CALN1: variants seen among roughly 807,000 people sequenced by gnomAD.
CALN1 encodes calcium-binding protein 8.
In CALN1, 17 loss-of-function variants were observed where a neutral mutation model predicts 30.6. The observed-to-expected ratio is 0.56, with a 90% CI of 0.38 to 0.83. CALN1 has a LOEUF of 0.83. Ranked by LOEUF, CALN1 falls within the 40% of genes least tolerant of loss-of-function variation. The pLI is 0.00. For synonymous variants in CALN1, 156 were observed against 131.4 expected (o/e 1.19, Z -1.28); for missense variants, 291 against 354.9 (o/e 0.82, Z 1.45).
chr7:72,377,571 G>A (rs1804645796), intron 2 of CALN1, among the ~76,000 whole-genome samples: 1 of 152,008 alleles, frequency 6.6e-6, no homozygotes, highest in Admixed American at 6.6e-5. Flanking sequence ...TTAGGGGTTT[G>A]TTGTTGATGC....
At chr7:71,997,357 G>A (rs1325065284) in intron 5 of CALN1, among the ~76,000 whole-genome samples, 3 of 152,150 alleles carry the variant, frequency 2.0e-5, no homozygotes, top group Middle Eastern at 3.2e-3. Flanking sequence ...ATCAGTGATT[G>A]TGAGGACAGA....
rs143425266 is a variant in CALN1, at chr7:72,159,159, T to C, written c.245-52865A>G. 3.1e-3 allele frequency among the ~76,000 whole-genome samples: 478 copies of C among 152,248 alleles called. 2 individuals carry two copies. Among genetic ancestry groups the C allele is most frequent in the Non-Finnish European group, 5.5e-3 (376 of 68,026 alleles). On this transcript the variant is annotated intron_variant, in intron 3 of 6. Coordinates refer to ENST00000395275, the MANE Select transcript of CALN1 (RefSeq NM_031468.4). ...GAGCCACTGAGCCTGGCTGTTATTA[T>C]GTGAGATTTTTAAAGAAACAAACAA...
chr7:72,248,071 T>C (rs1795312166), intron 3 of CALN1, among the ~76,000 whole-genome samples: 1 of 152,210 alleles, frequency 6.6e-6, no homozygotes, highest in African/African-American at 2.4e-5. Context: ...GTCAAGATAT[T>C]GGGAGGGCTG....
intron 1 of CALN1, among the ~76,000 whole-genome samples, chr7:72,408,286 A>T (rs1018406537): frequency 8.8e-5 from 13 of 147,682 alleles, no homozygotes; most frequent in African/African-American, 3.2e-4. Context: ...AAAAAAAAAA[A>T]AAAAATTAGT....
At position 72,114,242 on chromosome 7, in the gene CALN1, T is replaced by TG. The variant is rs201169966; in HGVS notation, c.245-7949_245-7948insC. On this transcript the variant is annotated intron_variant, in intron 3 of 6. Transcript: ENST00000395275. ...AGTAAAGTAAAAGTAAAAATAAAAG[T>TG]TGAAGGGAAGGGAAGGGAAGGGAAG... Among the ~76,000 whole-genome samples the TG allele has an allele frequency of 5.3e-4, 27 of 51,362 alleles. 5 individuals are homozygous for TG. The East Asian group carries it at 0.022, about 43-fold the overall frequency. 33.7% of individuals were successfully genotyped at this position (51,362 alleles called of 152,430 possible).
In CALN1 at chr7:72,136,136, AAAAT is replaced by A. The variant is rs138109942; in HGVS notation, c.245-29846_245-29843del. ...GGCAACAGAAAAAGACTCTGTCTCA[AAAAT>A]AAATAAATAAATAAATAAATAAATA... is the stretch of plus-strand genomic sequence containing the variant. On this transcript the variant is annotated intron_variant, in intron 3 of 6. Transcript: ENST00000395275. 2.0e-4 allele frequency among the ~76,000 whole-genome samples: 28 copies of A among 140,856 alleles called. 1 individual carries two copies. In the East Asian group the frequency reaches 2.3e-3, roughly 12 times the overall value. 92.4% of individuals were successfully genotyped at this position (140,856 alleles called of 152,430 possible).
intron 2 of CALN1, among the ~76,000 whole-genome samples, chr7:72,283,963 G>C (rs1003896799): frequency 6.6e-6 from 1 of 152,078 alleles, no homozygotes; most frequent in Non-Finnish European, 1.5e-5. Flanking sequence ...CCTGTTAATG[G>C]GGTCAAGGAA....
chr7:72,189,374 A>G (rs977515379), intron 3 of CALN1, among the ~76,000 whole-genome samples: 1 of 152,218 alleles, frequency 6.6e-6, no homozygotes, highest in Non-Finnish European at 1.5e-5. Flanking sequence ...CTCAAGCAAC[A>G]AAACATTTGG....
chr7:71,972,414 T>C (rs1797893484), intron 5 of CALN1, among the ~76,000 whole-genome samples: 4 of 152,172 alleles, frequency 2.6e-5, no homozygotes. Flanking sequence ...TCTGATCCAT[T>C]TTTTGTTTTA....
chr7:71,883,697 G>GC (rs1450396550), intron 5 of CALN1, among the ~76,000 whole-genome samples: 1 of 151,912 alleles, frequency 6.6e-6, no homozygotes, highest in African/African-American at 2.4e-5. Flanking sequence ...TGTAAATCCC[G>GC]CCCTTAGGTC....
intron 5 of CALN1, among the ~76,000 whole-genome samples, chr7:71,858,464 C>A (rs1338880732): frequency 6.6e-6 from 1 of 151,890 alleles, no homozygotes; most frequent in African/African-American, 2.4e-5. Flanking sequence ...AAACCTGCCT[C>A]CCATTCTGTT....
At chr7:72,093,388 C>A (rs1025588633) in intron 4 of CALN1, among the ~76,000 whole-genome samples, 1 of 152,106 alleles carries the variant, frequency 6.6e-6, no homozygotes, top group Non-Finnish European at 1.5e-5. Flanking sequence ...ACCGTACACT[C>A]GTACCAGGGA....
chr7:72,282,718 G>C (rs553395849), intron 2 of CALN1, among the ~76,000 whole-genome samples: 1 of 152,144 alleles, frequency 6.6e-6, no homozygotes, highest in African/African-American at 2.4e-5. Flanking sequence ...GCTAGTCTAA[G>C]GTATTTGTTA....
At chr7:72,308,738 C>A (rs899022425) in intron 2 of CALN1, among the ~76,000 whole-genome samples, 3 of 151,874 alleles carry the variant, frequency 2.0e-5, no homozygotes, top group African/African-American at 7.3e-5. Flanking sequence ...TGGGACCCTC[C>A]TCTTAGTTCC....
At chr7:72,008,044 A>G (rs1252397229) in intron 5 of CALN1, among the ~76,000 whole-genome samples, 2 of 152,246 alleles carry the variant, frequency 1.3e-5, no homozygotes, top group Non-Finnish European at 2.9e-5. Context: ...GAGGACATTC[A>G]TGATTTTAAT....
chr7:72,229,531 C>T (rs1037939141), intron 3 of CALN1, among the ~76,000 whole-genome samples: 1 of 152,034 alleles, frequency 6.6e-6, no homozygotes, highest in Non-Finnish European at 1.5e-5. Flanking sequence ...TGGAACCAAT[C>T]CAAATGCCCA....
chr7:72,300,977 G>A (rs1198685922), intron 2 of CALN1, among the ~76,000 whole-genome samples: 2 of 152,180 alleles, frequency 1.3e-5, no homozygotes, highest in African/African-American at 4.8e-5. Context: ...CTGGGTGACA[G>A]AGTGAGACTC....
At chr7:72,351,879 A>G (rs968106783) in intron 2 of CALN1, among the ~76,000 whole-genome samples, 1 of 152,222 alleles carries the variant, frequency 6.6e-6, no homozygotes, top group African/African-American at 2.4e-5. Context: ...AAATTTGGCC[A>G]TATTAAATTT....
At chr7:71,790,077 C>T (rs1017558948) in intron 6 of CALN1, among the ~76,000 whole-genome samples, 2 of 150,108 alleles carry the variant, frequency 1.3e-5, no homozygotes, top group South Asian at 4.2e-4. Flanking sequence ...GTATTCCAGC[C>T]TGAGCCACAG....
Sources: gnomAD v4.1 joint callset for allele counts (sites outside exome capture counted in the v4.1 genomes callset) on GRCh38, gnomAD v4.1.1 for gene constraint, MANE v1.5 for transcripts, NCBI Gene and HGNC (gene_info 2026-07-23, HGNC 2026-07-21) for gene names.